ALPK2: variants seen among roughly 807,000 people sequenced by gnomAD.
The protein encoded by ALPK2 is alpha kinase 2.
In ALPK2, 127 loss-of-function variants were observed where a neutral mutation model predicts 163.1. The ratio of observed to expected loss-of-function variants is 0.78; its 90% CI spans 0.67 to 0.90. The LOEUF is 0.90. Ranked by LOEUF, ALPK2 falls within the 40% of genes least tolerant of loss-of-function variation. The pLI, the probability that ALPK2 is intolerant of heterozygous loss-of-function variation, is 0.00. For missense variants in ALPK2, 2,360 were observed against 2,589.6 expected (o/e 0.91, Z 1.92); for synonymous variants, 953 against 959.1 (o/e 0.99, Z 0.12).
intron 4 of ALPK2, among the ~76,000 whole-genome samples, chr18:58,548,754 T>C (rs1268715108): frequency 6.6e-6 from 1 of 152,134 alleles, no homozygotes; most frequent in Non-Finnish European, 1.5e-5. Flanking sequence ...TTTCCTGGGA[T>C]ATTGAGATCG....
rs2051313736 is a variant in ALPK2, at chr18:58,481,944, T to C, written c.6392A>G (p.Lys2131Arg). ...TTTCTGGTTGTTGTTTTGAAGGGAT[T>C]TCAGTCCCAGCATTTTGCAATACTT... is the stretch of plus-strand genomic sequence containing the variant. ...CNKYCKMLGL[K>R]SLQNNNQKQK... Residue 2131 changes from lysine to arginine, a missense_variant, in exon 13 of 13, where the codon AAA becomes AGA. Transcript: ENST00000361673. 6.2e-7 allele frequency: 1 copy of C among 1,614,064 alleles called. No homozygotes were observed. The highest frequency in any genetic ancestry group is 1.3e-5 in the African/African-American group (1 of 74,930).
Position 58,535,772 on chromosome 18 carries a change from T to C in ALPK2, c.4415A>G (p.Glu1472Gly), listed in dbSNP as rs1222774667. The change falls in exon 5 of 13, where the codon GAA (glutamate) becomes GGA (glycine). Residue 1472 changes from glutamate (E) to glycine (G), a missense_variant. By Grantham distance (98) the Glu-to-Gly change is moderately conservative. Transcript: ENST00000361673. The stretch of plus-strand genomic sequence containing the variant: ...TTCAGCCTCCTGCTTCATACTGCCT[T>C]CTTGGCTTCTGCTGATTCTATTTTC... ...LSENRISRSQ[E>G]GSMKQEAEQI... 2 of 1,614,128 alleles carry C rather than the reference T, an allele frequency of 1.2e-6. No homozygotes were observed. Among genetic ancestry groups the C allele is most frequent in the Non-Finnish European group, 1.7e-6 (2 of 1,180,032 alleles).
Position 58,496,470 on chromosome 18 carries a change from A to G in ALPK2, c.6296+1579T>C, listed in dbSNP as rs979660408. ...AACCGCATTCTGGTTCTAAAACCCA[A>G]CTGGAAGCTTTGTGCAATCGGCGAG... On this transcript the variant is annotated intron_variant, in intron 12 of 12. Coordinates refer to ENST00000361673, the MANE Select transcript of ALPK2 (RefSeq NM_052947.4). 2.6e-5 allele frequency among the ~76,000 whole-genome samples: 4 copies of G among 152,208 alleles called. No homozygotes were observed. In the South Asian group the frequency reaches 6.2e-4, roughly 24 times the overall value.
intron 4 of ALPK2, among the ~76,000 whole-genome samples, chr18:58,552,863 A>C (rs977373589): frequency 2.0e-5 from 3 of 152,166 alleles, no homozygotes; most frequent in Non-Finnish European, 4.4e-5. Context: ...AAATAGGTTC[A>C]AGTTCTAACC....
chr18:58,548,741 A>C (rs1219982179), intron 4 of ALPK2, among the ~76,000 whole-genome samples: 1 of 152,144 alleles, frequency 6.6e-6, no homozygotes, highest in Non-Finnish European at 1.5e-5. Context: ...AAAAGAGACA[A>C]AATTTCCTGG....
intron 2 of ALPK2, among the ~76,000 whole-genome samples, chr18:58,610,229 G>T (rs184202712): frequency 1.9e-3 from 270 of 145,058 alleles, no homozygotes; most frequent in Non-Finnish European, 2.0e-3. Flanking sequence ...AGCTGAGATT[G>T]TGCCACTGCA....
intron 3 of ALPK2, among the ~76,000 whole-genome samples, chr18:58,602,816 G>A (rs1301116249): frequency 1.3e-5 from 2 of 152,134 alleles, no homozygotes; most frequent in Non-Finnish European, 2.9e-5. Flanking sequence ...ATGCAGTGAA[G>A]AAGTAGCCGA....
At chr18:58,623,363 A>G (rs961125457) in intron 1 of ALPK2, among the ~76,000 whole-genome samples, 8 of 151,160 alleles carry the variant, frequency 5.3e-5, no homozygotes, top group African/African-American at 1.9e-4. Context: ...ATGGTTCTTT[A>G]TCTAATCTTG....
chr18:58,615,567 A>C (rs755840299), intron 1 of ALPK2, among the ~76,000 whole-genome samples: 1 of 152,254 alleles, frequency 6.6e-6, no homozygotes, highest in Non-Finnish European at 1.5e-5. Flanking sequence ...AATGGTAATC[A>C]GCGTAGTATA....
chr18:58,619,624 A>G (rs1405545381), intron 1 of ALPK2, among the ~76,000 whole-genome samples: 3 of 152,258 alleles, frequency 2.0e-5, no homozygotes, highest in African/African-American at 7.2e-5. Context: ...AACAGTTTTT[A>G]TATTTTATTT....
In ALPK2 at chr18:58,598,483, G is replaced by A. The variant is rs879534381; in HGVS notation, c.227+8839C>T. 1.1e-4 allele frequency among the ~76,000 whole-genome samples: 16 copies of A among 152,342 alleles called. No homozygotes were observed. The South Asian group carries it at 2.3e-3, about 22-fold the overall frequency. On this transcript the variant is annotated intron_variant, in intron 3 of 12. Transcript: ENST00000361673. ...CAGGAGAGGCTCCCAGGCAGGACCT[G>A]GCAGAGGCAGGGAGGCCTTGGGGCT... is the stretch of plus-strand genomic sequence containing the variant.
chr18:58,559,267 T>C (rs1335648977), intron 4 of ALPK2, among the ~76,000 whole-genome samples: 1 of 152,196 alleles, frequency 6.6e-6, no homozygotes, highest in Non-Finnish European at 1.5e-5. Context: ...AGATCGCTAC[T>C]GGCCGGGGAT....
chr18:58,550,955 C>G (rs1289801981), intron 4 of ALPK2, among the ~76,000 whole-genome samples: 2 of 151,534 alleles, frequency 1.3e-5, no homozygotes, highest in African/African-American at 4.8e-5. Flanking sequence ...ATCCCCACCT[C>G]CATCACATAC....
chr18:58,613,666 T>A (rs1160348286), intron 1 of ALPK2, among the ~76,000 whole-genome samples: 1 of 146,640 alleles, frequency 6.8e-6, no homozygotes, highest in African/African-American at 2.6e-5. Context: ...GCCACTGCAC[T>A]CCAGCCTGGG....
At chr18:58,524,741 A>G (rs1320770905) in intron 6 of ALPK2, among the ~76,000 whole-genome samples, 4 of 152,184 alleles carry the variant, frequency 2.6e-5, no homozygotes, top group African/African-American at 9.7e-5. Context: ...TGATGCCCTC[A>G]GAACAACCTA....
intron 8 of ALPK2, among the ~76,000 whole-genome samples, chr18:58,517,496 T>G (rs1448543425): frequency 1.3e-5 from 2 of 151,948 alleles, no homozygotes; most frequent in Non-Finnish European, 2.9e-5. Context: ...GTAACAAAAG[T>G]CAAGTTGAAA....
At position 58,528,926 on chromosome 18, in the gene ALPK2, A is replaced by T. The variant is rs1314101969; in HGVS notation, c.5501+165T>A. Reference sequence around the variant, plus strand: ...ATCCTCCATCATTTTCCCCATCCAGACACTTGTCTTCCGATATTTAGTCTT... The same window carrying T: ...ATCCTCCATCATTTTCCCCATCCAGTCACTTGTCTTCCGATATTTAGTCTT... On this transcript the variant is annotated intron_variant, in intron 6 of 12. Transcript: ENST00000361673. 6.0e-6 allele frequency: 5 copies of T among 831,770 alleles called. No homozygotes were observed. In the Admixed American group the frequency reaches 1.4e-4, roughly 23 times the overall value. The allele number at this position is 831,770 out of a possible 1,614,324, so 51.5% of individuals were successfully genotyped here.
chr18:58,491,575 C>T (rs1167035567), intron 12 of ALPK2, among the ~76,000 whole-genome samples: 3 of 152,144 alleles, frequency 2.0e-5, no homozygotes, highest in Non-Finnish European at 4.4e-5. Flanking sequence ...TGACTCAGCA[C>T]AAGAGGACAG....
intron 9 of ALPK2, 56 bp downstream of exon 9, chr18:58,516,852 C>G (rs1477891319): frequency 6.4e-7 from 1 of 1,570,526 alleles, no homozygotes; most frequent in Non-Finnish European, 8.7e-7. Context: ...TTCATCTCGT[C>G]TTATCATGGG....
Sources: allele counts gnomAD v4.1 joint callset (sites outside exome capture counted in the v4.1 genomes callset), GRCh38; gene constraint gnomAD v4.1.1; transcripts MANE v1.5; gene names NCBI Gene and HGNC (gene_info 2026-07-23, HGNC 2026-07-21).